PCDHGA2: variants seen among roughly 807,000 people sequenced by gnomAD.
PCDHGA2 encodes the protein protocadherin gamma-A2.
Under a neutral mutation model 59.2 loss-of-function variants are expected in PCDHGA2, and 40 were observed. That is an observed-to-expected ratio of 0.68 (90% CI 0.52 to 0.88). The LOEUF (loss-of-function observed/expected upper bound fraction) is 0.88. PCDHGA2 is among the 40% of genes least tolerant of loss of function. The pLI is 0.00. For synonymous variants in PCDHGA2, 560 were observed against 526.0 expected, an observed-to-expected ratio of 1.06 and a Z score of -0.89; for missense variants, 1,226 against 1,204.0, an observed-to-expected ratio of 1.02 and a Z score of -0.27.
Position 141,339,557 on chromosome 5 carries a change from C to G in PCDHGA2, c.586C>G (p.Leu196Val). ...ADGNKYPELV[L>V]ERSLDREEEA... is the part of the protein sequence containing the mutation. ...TGGGAACAAGTACCCAGAACTGGTGCTGGAGCGCTCTCTGGACCGCGAGGA... is the reference window on the plus strand; with the variant it reads ...TGGGAACAAGTACCCAGAACTGGTGGTGGAGCGCTCTCTGGACCGCGAGGA... Residue 196 changes from leucine (L) to valine (V), a missense_variant, in exon 1 of 4, where the codon CTG (leucine) becomes GTG (valine). By Grantham distance (32) the Leu-to-Val change is conservative. Transcript: ENST00000394576. 1 of 1,614,190 alleles carries G rather than the reference C, an allele frequency of 6.2e-7. No homozygotes were observed. The highest frequency in any genetic ancestry group is 8.5e-7 in the Non-Finnish European group (1 of 1,180,038).
chr5:141,396,626 A>G (rs1273835228), intron 1 of PCDHGA2: 1 of 152,182 alleles, frequency 6.6e-6, no homozygotes, highest in African/African-American at 2.4e-5. Flanking sequence ...TCTCAAAAAA[A>G]AAAAAAACTA....
rs773492251 is a variant in PCDHGA2, at chr5:141,339,635, C to T, written c.664C>T (p.Leu222=). ...LVASDGGDPV[L]SGTSRICVKV... is the part of the protein sequence containing the mutation. ...GGCTTCTGATGGGGGTGACCCAGTG[C>T]TATCTGGCACCTCCCGCATCTGCGT... is the stretch of plus-strand genomic sequence containing the variant. Residue 222 remains leucine, a synonymous_variant, in exon 1 of 4, where the codon CTA becomes TTA. Transcript: ENST00000394576. 4.3e-6 allele frequency: 7 copies of T among 1,614,194 alleles called. No individual in the cohort carries two copies. In the Admixed American group the frequency reaches 1.0e-4, roughly 23 times the overall value.
chr5:141,466,203 C>G (rs1291051063), intron 1 of PCDHGA2, among the ~76,000 whole-genome samples: 1 of 151,914 alleles, frequency 6.6e-6, no homozygotes, highest in Non-Finnish European at 1.5e-5. Context: ...CACAGCCTTG[C>G]TCTGTTACCC....
At chr5:141,354,992 G>T in intron 1 of PCDHGA2, 2 of 650,704 alleles carry the variant, frequency 3.1e-6, no homozygotes, top group Non-Finnish European at 4.7e-6. Flanking sequence ...TCACCAATCA[G>T]GGGGAAAAGA....
chr5:141,478,521 G>A, intron 1 of PCDHGA2: 1 of 1,610,618 alleles, frequency 6.2e-7, no homozygotes, highest in Non-Finnish European at 8.5e-7. Context: ...CAGGTGTTGG[G>A]TGCAGAGAGC....
In PCDHGA2 at chr5:141,477,629, C is replaced by A. The variant is rs1191573380; in HGVS notation, c.2425-17178C>A. The A allele has an allele frequency of 6.2e-7, 1 of 1,614,040 alleles. No individual in the cohort carries two copies. The highest frequency in any genetic ancestry group is 8.5e-7 in the Non-Finnish European group (1 of 1,180,040). ...CTTGGAGCAAGGAGCTGAAACCGGGCTAGTGGGTCGCTATTTCACAATAAA... is the reference window on the plus strand; with the variant it reads ...CTTGGAGCAAGGAGCTGAAACCGGGATAGTGGGTCGCTATTTCACAATAAA... On this transcript the variant is annotated intron_variant, in intron 1 of 3. Coordinates refer to ENST00000394576, the MANE Select transcript of PCDHGA2 (RefSeq NM_018915.4). The surrounding 1 kb of genome is among the most constrained non-coding windows in gnomAD (Gnocchi z 4.9).
chr5:141,408,202 G>A (rs778320550), intron 1 of PCDHGA2: 6 of 1,549,832 alleles, frequency 3.9e-6, no homozygotes, highest in African/African-American at 1.4e-5. Flanking sequence ...CCGAGCGAAC[G>A]ATGGGAGGGA....
chr5:141,374,715 T>C (rs1260634763), intron 1 of PCDHGA2: 1 of 1,609,848 alleles, frequency 6.2e-7, no homozygotes, highest in Non-Finnish European at 8.5e-7. Context: ...TACCGCCTGG[T>C]CCTTACTGCC....
chr5:141,364,114 T>C, intron 1 of PCDHGA2: 4 of 451,898 alleles, frequency 8.9e-6, no homozygotes, highest in Non-Finnish European at 1.5e-5. Flanking sequence ...TGGTTAGGAC[T>C]CTGAGTGTCG....
chr5:141,389,983 T>C (rs1224770373), intron 1 of PCDHGA2: 1 of 1,614,014 alleles, frequency 6.2e-7, no homozygotes, highest in East Asian at 2.2e-5. Context: ...ATCTCAGTGC[T>C]CTTCCTCGTG....
chr5:141,443,588 A>T (rs1479393074), intron 1 of PCDHGA2, among the ~76,000 whole-genome samples: 3 of 152,240 alleles, frequency 2.0e-5, no homozygotes, highest in Non-Finnish European at 4.4e-5. Context: ...CTAAAACAGA[A>T]TGTGGTATAT....
At chr5:141,462,020 T>G (rs1371390043) in intron 1 of PCDHGA2, among the ~76,000 whole-genome samples, 6 of 152,110 alleles carry the variant, frequency 3.9e-5, no homozygotes, top group Non-Finnish European at 8.8e-5. Flanking sequence ...ACGGGGTTTC[T>G]TCATGTTGGT....
intron 1 of PCDHGA2, chr5:141,344,274 A>G: frequency 6.2e-7 from 1 of 1,614,106 alleles, no homozygotes; most frequent in Non-Finnish European, 8.5e-7. Flanking sequence ...GAATCCGCAA[A>G]GCGGCAGCTT....
chr5:141,414,801 G>A, intron 1 of PCDHGA2: 2 of 1,614,218 alleles, frequency 1.2e-6, no homozygotes, highest in Non-Finnish European at 1.7e-6. Flanking sequence ...GCGACAGCGG[G>A]GATCCTCCAC....
At chr5:141,482,530 C>CAAAAAAAAAAAA (rs3074545) in intron 1 of PCDHGA2, among the ~76,000 whole-genome samples, 11 of 76,552 alleles carry the variant, frequency 1.4e-4, no homozygotes, top group African/African-American at 2.9e-4. Flanking sequence ...GACAGACATG[C>CAAAAAAAAAAAA]AAAAAAAAAA....
rs373424450 is a variant in PCDHGA2, at chr5:141,450,829, AT to A, written c.2425-43965del. 1.1e-3 allele frequency among the ~76,000 whole-genome samples: 154 copies of A among 135,102 alleles called. 1 individual carries two copies. Among genetic ancestry groups the A allele is most frequent in the South Asian group, 8.9e-3 (38 of 4,254 alleles). 88.6% of individuals were successfully genotyped at this position (135,102 alleles called of 152,430 possible). ...TTATTTATTTAATATTATTATTATTATTTTTTTTTTTTTGAGATGGGGTCTT... is the reference window on the plus strand; with the variant it reads ...TTATTTATTTAATATTATTATTATTATTTTTTTTTTTTGAGATGGGGTCTT... On this transcript the variant is annotated intron_variant, in intron 1 of 3. Transcript: ENST00000394576.
chr5:141,344,416 A>T (rs1757415462), intron 1 of PCDHGA2: 1 of 1,612,606 alleles, frequency 6.2e-7, no homozygotes, highest in Non-Finnish European at 8.5e-7. Flanking sequence ...GATATTAATG[A>T]TAATGCTCCT....
At chr5:141,483,425 G>A (rs1460083757) in intron 1 of PCDHGA2, among the ~76,000 whole-genome samples, 1 of 152,116 alleles carries the variant, frequency 6.6e-6, no homozygotes, top group Non-Finnish European at 1.5e-5. Flanking sequence ...ACAGATGGAG[G>A]GAGCTGACTA....
chr5:141,388,843 G>C (rs750672396), intron 1 of PCDHGA2: 1 of 1,614,002 alleles, frequency 6.2e-7, no homozygotes, highest in Admixed American at 1.7e-5. Flanking sequence ...TTGGAAGCAA[G>C]GGACGGTGGA....
Sources: allele counts gnomAD v4.1 joint callset (sites outside exome capture counted in the v4.1 genomes callset), GRCh38; gene constraint gnomAD v4.1.1; non-coding constraint Gnocchi (gnomAD v3.1); transcripts MANE v1.5; gene names NCBI Gene and HGNC (gene_info 2026-07-23, HGNC 2026-07-21).